The following VPS13D variants were observed in gnomAD, a reference collection of about 807,000 sequenced individuals.
VPS13D encodes intermembrane lipid transfer protein VPS13D.
A neutral mutation model predicts 461.9 loss-of-function variants in VPS13D; 187 were observed. The observed-to-expected ratio is 0.40, with a 90% CI of 0.36 to 0.46. The LOEUF (loss-of-function observed/expected upper bound fraction) is 0.46, where lower values mean the gene tolerates loss of function less well. Ranked by LOEUF, VPS13D falls within the 20% of genes least tolerant of loss-of-function variation. VPS13D has a pLI of 0.60. For missense variants in VPS13D, 4,711 were observed against 5,364.9 expected (o/e 0.88, Z 3.81); for synonymous variants, 1,951 against 1,986.3 (o/e 0.98, Z 0.47).
At chr1:12,378,648 G>A in intron 56 of VPS13D, 57 bp downstream of exon 56, 5 of 1,426,918 alleles carry the variant, frequency 3.5e-6, no homozygotes, top group South Asian at 1.7e-5. Flanking sequence ...CAGACTCAGA[G>A]GAAATCTACA....
chr1:12,247,355 T>A (rs771294078), intron 5 of VPS13D, among the ~76,000 whole-genome samples: 14 of 150,342 alleles, frequency 9.3e-5, no homozygotes, highest in South Asian at 2.1e-4. Context: ...AGACGGAGGT[T>A]GCAGTGAGCC....
Position 12,276,010 on chromosome 1 carries a change from T to A in VPS13D, c.2422T>A (p.Leu808Ile), listed in dbSNP as rs1486163611. Residue 808 changes from leucine (L) to isoleucine (I), a missense_variant, in exon 19 of 70, where the codon TTA (leucine) becomes ATA (isoleucine). Leu to Ile is a conservative substitution (Grantham distance 5, BLOSUM62 2). Around this residue, in one of 3 missense-constraint regions of VPS13D, gnomAD observed 4,411 missense variants for 4,937.8 expected, o/e 0.89. Coordinates refer to ENST00000620676, the MANE Select transcript of VPS13D (RefSeq NM_015378.4). The surrounding 1 kb of genome is among the most constrained non-coding windows in gnomAD (Gnocchi z 4.5). ...EFSEEQLQAH[L>I]MSTKMYERYS... Reference sequence around the variant, plus strand: ...CAGTGAAGAACAGCTTCAAGCACATTTAATGAGCACAAAGATGTATGAGAG... The same window carrying A: ...CAGTGAAGAACAGCTTCAAGCACATATAATGAGCACAAAGATGTATGAGAG... The A allele has an allele frequency of 6.2e-7, 1 of 1,613,680 alleles. No individual in the cohort carries two copies. Among genetic ancestry groups the A allele is most frequent in the Admixed American group, 1.7e-5 (1 of 59,966 alleles).
intron 54 of VPS13D, among the ~76,000 whole-genome samples, chr1:12,372,178 C>T (rs956423084): frequency 3.3e-5 from 5 of 152,170 alleles, no homozygotes; most frequent in Non-Finnish European, 5.9e-5. Flanking sequence ...TTCAGCCTCT[C>T]TCATAGCTGG....
chr1:12,304,865 T>C, intron 26 of VPS13D, 137 bp downstream of exon 26: 1 of 913,386 alleles, frequency 1.1e-6, no homozygotes, highest in Non-Finnish European at 1.6e-6. Context: ...GATGAGATTC[T>C]GATTTTGCTT....
chr1:12,453,084 ATTGTCT>A (rs1272582749), intron 65 of VPS13D, among the ~76,000 whole-genome samples: 1 of 152,092 alleles, frequency 6.6e-6, no homozygotes, highest in Non-Finnish European at 1.5e-5. Flanking sequence ...GGGTCAATAC[ATTGTCT>A]TTGTATAGAG....
intron 2 of VPS13D, among the ~76,000 whole-genome samples, chr1:12,237,065 A>G (rs1254048843): frequency 3.3e-5 from 5 of 149,926 alleles, no homozygotes; most frequent in African/African-American, 2.5e-5. Flanking sequence ...GTGTGTGTGT[A>G]TATATATATC....
In VPS13D at chr1:12,299,227, C is replaced by T. The variant is rs1642355952; in HGVS notation, c.6059C>T (p.Ser2020Leu). ...QTVRDQAQRC[S>L]RVLLDIEAGA... is the part of the protein sequence containing the mutation. ...GTGAGAGATCAAGCCCAGCGCTGTT[C>T]ACGGGTTCTCCTGGATATTGAGGCT... Residue 2020 changes from serine (S) to leucine (L), a missense_variant, in exon 25 of 70, where the codon TCA becomes TTA. By Grantham distance (145) the Ser-to-Leu change is moderately radical (BLOSUM62 -2). This residue lies in a region of VPS13D where 4,411 missense variants were observed against 4,937.8 expected (regional missense o/e 0.89). Coordinates refer to ENST00000620676, the MANE Select transcript of VPS13D (RefSeq NM_015378.4). The surrounding 1 kb of genome is among the most constrained non-coding windows in gnomAD (Gnocchi z 4.2). The T allele has an allele frequency of 6.2e-7, 1 of 1,612,460 alleles. No homozygotes were observed. Among genetic ancestry groups the T allele is most frequent in the South Asian group, 1.1e-5 (1 of 90,724 alleles).
rs1041225139 is a variant in VPS13D, at chr1:12,455,906, T to A, written c.12334-92T>A. On this transcript the variant is annotated intron_variant, in intron 65 of 69. Transcript: ENST00000620676. ...TACAGACCAGCATGGGCTTATCTAA[T>A]TGTATTTAATTTAAATTTATTTAAA... The A allele has an allele frequency of 4.0e-5, 58 of 1,435,428 alleles. No homozygotes were observed. In the African/African-American group the frequency reaches 7.4e-4, roughly 18 times the overall value. 88.9% of individuals were successfully genotyped at this position (1,435,428 alleles called of 1,614,324 possible). A position where few individuals can be genotyped will look rare whatever the true frequency, so the allele number is the denominator to read the frequency against.
At chr1:12,491,338 A>G (rs1412626706) in intron 67 of VPS13D, among the ~76,000 whole-genome samples, 1 of 152,232 alleles carries the variant, frequency 6.6e-6, no homozygotes, top group Non-Finnish European at 1.5e-5. Context: ...GACATTGGCC[A>G]TGACAGACTT....
At chr1:12,392,111 C>T (rs1275657612) in intron 60 of VPS13D, among the ~76,000 whole-genome samples, 1 of 152,156 alleles carries the variant, frequency 6.6e-6, no homozygotes, top group African/African-American at 2.4e-5. Context: ...ATCTGCCCGC[C>T]TAGGCCTCCC....
intron 63 of VPS13D, among the ~76,000 whole-genome samples, chr1:12,407,967 G>A (rs999772632): frequency 4.6e-5 from 7 of 152,180 alleles, no homozygotes; most frequent in African/African-American, 1.7e-4. Context: ...TGGCAAAACA[G>A]AGTGCTGAAC....
chr1:12,253,107 G>A (rs1309019861), intron 6 of VPS13D, among the ~76,000 whole-genome samples: 1 of 150,178 alleles, frequency 6.7e-6, no homozygotes, highest in Non-Finnish European at 1.5e-5. Flanking sequence ...GCGGTGAGCC[G>A]AGATCGTGCC....
intron 67 of VPS13D, chr1:12,497,165 T>A (rs1336040382): frequency 6.1e-6 from 1 of 162,832 alleles, no homozygotes; most frequent in Non-Finnish European, 1.3e-5. Flanking sequence ...AGGAGCAGGC[T>A]TGGCGGGCAC....
In VPS13D at chr1:12,400,274, G is replaced by C. The variant is rs1372735312; in HGVS notation, c.11728G>C (p.Val3910Leu). ...TGAGGTCATCGAGACCGGCCCAGCT[G>C]TGCAAGTCAACGCAGTGAAGTTCCC... ...ENEVIETGPA[V>L]QVNAVKFPSK... Residue 3910 changes from valine to leucine, a missense_variant, in exon 61 of 70, where the codon GTG (valine) becomes CTG (leucine). Physicochemically the swap from Val to Leu is conservative, Grantham distance 32. This residue lies in a region of VPS13D where 4,411 missense variants were observed against 4,937.8 expected (regional missense o/e 0.89). Transcript: ENST00000620676. 7.4e-6 allele frequency: 12 copies of C among 1,614,192 alleles called. No individual in the cohort carries two copies. The highest frequency in any genetic ancestry group is 8.5e-6 in the Non-Finnish European group (10 of 1,180,024).
At chr1:12,257,270 AT>A (rs1329879926) in intron 9 of VPS13D, among the ~76,000 whole-genome samples, 183 bp downstream of exon 9, 3 of 152,162 alleles carry the variant, frequency 2.0e-5, no homozygotes, top group Non-Finnish European at 4.4e-5. Context: ...CTGTATATTT[AT>A]TTGGTGTCAT....
intron 60 of VPS13D, among the ~76,000 whole-genome samples, chr1:12,387,221 A>G (rs1218368665): frequency 6.6e-6 from 1 of 152,230 alleles, no homozygotes; most frequent in African/African-American, 2.4e-5. Context: ...CTCATGATTA[A>G]TTAGCCCTAA....
At chr1:12,378,630 T>C in intron 56 of VPS13D, 39 bp downstream of exon 56, 1 of 1,476,684 alleles carries the variant, frequency 6.8e-7, no homozygotes. Context: ...GCTCATTGCT[T>C]TCAAATTCAG....
Position 12,249,205 on chromosome 1 carries a change from T to C in VPS13D, c.448-18T>C. 1 of 1,591,690 alleles carries C rather than the reference T, an allele frequency of 6.3e-7. No homozygotes were observed. The highest frequency in any genetic ancestry group is 8.6e-7 in the Non-Finnish European group (1 of 1,163,906). On this transcript the variant is annotated intron_variant, in intron 5 of 69. Coordinates refer to ENST00000620676, the MANE Select transcript of VPS13D (RefSeq NM_015378.4). ...TTCTGCAGGTGCATCAGCTGCTTTTTCTTTTTTCTCTTTGCAGTTAAAAAT... is the reference window on the plus strand; with the variant it reads ...TTCTGCAGGTGCATCAGCTGCTTTTCCTTTTTTCTCTTTGCAGTTAAAAAT...
intron 5 of VPS13D, among the ~76,000 whole-genome samples, chr1:12,247,492 A>T (rs57903813): frequency 0.021 from 3,238 of 151,822 alleles, 151 homozygotes; most frequent in Admixed American, 0.12. Context: ...GAAAAAAATT[A>T]AAAAAAACCC....
Sources: gnomAD v4.1 joint callset for allele counts (sites outside exome capture counted in the v4.1 genomes callset) on GRCh38, gnomAD v4.1.1 for gene constraint, gnomAD v4.1.1 regional missense constraint, Gnocchi (gnomAD v3.1) non-coding constraint, MANE v1.5 for transcripts, NCBI Gene and HGNC (gene_info 2026-07-23, HGNC 2026-07-21) for gene names.